Variants in BRINP3 observed in about 807,000 individuals in gnomAD.
The protein encoded by BRINP3 is BMP/retinoic acid inducible neural specific 3.
A neutral mutation model predicts 71.0 loss-of-function variants in BRINP3; 19 were observed. That is an observed-to-expected ratio of 0.27 (90% CI 0.19 to 0.39). BRINP3 has a LOEUF of 0.39. Ranked by LOEUF, BRINP3 falls within the 10% of genes least tolerant of loss-of-function variation. The pLI is 1.00. For synonymous variants in BRINP3, 380 were observed against 337.7 expected (o/e 1.13, Z -1.37); for missense variants, 959 against 940.8 (o/e 1.02, Z -0.25).
chr1:190,201,317 T>C (rs1654985762), intron 6 of BRINP3, among the ~76,000 whole-genome samples: 2 of 152,248 alleles, frequency 1.3e-5, no homozygotes, highest in South Asian at 2.1e-4. Context: ...ATTTAAAGTA[T>C]CTGGCAGAAG....
chr1:190,283,731 A>C (rs1571626883), intron 2 of BRINP3, among the ~76,000 whole-genome samples: 1 of 150,916 alleles, frequency 6.6e-6, no homozygotes, highest in African/African-American at 2.4e-5. Context: ...CCTAAATTTG[A>C]TGATATATCT....
At chr1:190,373,663 A>G (rs1571889956) in intron 2 of BRINP3, among the ~76,000 whole-genome samples, 1 of 151,824 alleles carries the variant, frequency 6.6e-6, no homozygotes, top group East Asian at 2.0e-4. Context: ...CAGAGCAAAA[A>G]CACTTTGAGT....
At chr1:190,156,191 T>C (rs1656849286) in intron 7 of BRINP3, among the ~76,000 whole-genome samples, 1 of 152,230 alleles carries the variant, frequency 6.6e-6, no homozygotes, top group Non-Finnish European at 1.5e-5. Context: ...GGAAGAACTA[T>C]ACACTATACA....
chr1:190,284,172 A>G (rs1487913592), intron 2 of BRINP3, among the ~76,000 whole-genome samples: 1 of 151,990 alleles, frequency 6.6e-6, no homozygotes, highest in East Asian at 1.9e-4. Context: ...TAAATCCATG[A>G]TCTATTCTGA....
At chr1:190,317,469 T>C (rs921403524) in intron 2 of BRINP3, among the ~76,000 whole-genome samples, 1 of 152,122 alleles carries the variant, frequency 6.6e-6, no homozygotes, top group Non-Finnish European at 1.5e-5. Flanking sequence ...ATCCCATATG[T>C]CCCTTCTTCC....
chr1:190,252,532 T>C (rs1660242587), intron 4 of BRINP3, among the ~76,000 whole-genome samples: 1 of 152,196 alleles, frequency 6.6e-6, no homozygotes, highest in East Asian at 1.9e-4. Context: ...TCAGCATACA[T>C]GCTAAAGTTG....
intron 2 of BRINP3, among the ~76,000 whole-genome samples, chr1:190,449,534 A>C (rs1192225407): frequency 6.6e-6 from 1 of 152,002 alleles, no homozygotes; most frequent in Non-Finnish European, 1.5e-5. Context: ...ATGTAATGCA[A>C]GTCCAAAGCT....
At chr1:190,445,240 T>C (rs1470967500) in intron 2 of BRINP3, among the ~76,000 whole-genome samples, 1 of 152,136 alleles carries the variant, frequency 6.6e-6, no homozygotes, top group East Asian at 1.9e-4. Flanking sequence ...TTAAAATCTA[T>C]TATAAACCAT....
chr1:190,279,295 C>T (rs1488773518), intron 3 of BRINP3, among the ~76,000 whole-genome samples: 1 of 151,752 alleles, frequency 6.6e-6, no homozygotes, highest in African/African-American at 2.4e-5. Context: ...TGGCTATCTA[C>T]ACTAACATAA....
At chr1:190,165,224 A>G (rs1651385800) in intron 6 of BRINP3, among the ~76,000 whole-genome samples, 1 of 152,120 alleles carries the variant, frequency 6.6e-6, no homozygotes, top group South Asian at 2.1e-4. Flanking sequence ...TTCTGATTTT[A>G]TATTACCAAT....
At chr1:190,398,900 G>A (rs1671750731) in intron 2 of BRINP3, among the ~76,000 whole-genome samples, 1 of 151,902 alleles carries the variant, frequency 6.6e-6, no homozygotes, top group South Asian at 2.1e-4. Flanking sequence ...ATTTTAAGAA[G>A]CTTTTTTGAT....
intron 2 of BRINP3, among the ~76,000 whole-genome samples, chr1:190,388,834 A>G (rs996506566): frequency 2.6e-5 from 4 of 151,838 alleles, no homozygotes; most frequent in African/African-American, 9.7e-5. Flanking sequence ...GTGATTATAA[A>G]TAAGTGAATA....
intron 7 of BRINP3, among the ~76,000 whole-genome samples, chr1:190,155,073 TTAA>T (rs1320714359): frequency 1.3e-5 from 2 of 152,088 alleles, no homozygotes; most frequent in Non-Finnish European, 2.9e-5. Context: ...AATGATGATA[TTAA>T]TAATAAGTTC....
intron 6 of BRINP3, among the ~76,000 whole-genome samples, chr1:190,189,603 A>C (rs1653852622): frequency 6.6e-6 from 1 of 151,858 alleles, no homozygotes; most frequent in Admixed American, 6.6e-5. Context: ...TTTATGTTTA[A>C]CTTTGTTTTT....
intron 4 of BRINP3, among the ~76,000 whole-genome samples, chr1:190,262,144 C>T (rs1441577661): frequency 6.6e-6 from 1 of 152,182 alleles, no homozygotes; most frequent in Non-Finnish European, 1.5e-5. Context: ...TGTCGACTTC[C>T]TGCAGTGCAC....
At chr1:190,306,898 A>C (rs1050978108) in intron 2 of BRINP3, among the ~76,000 whole-genome samples, 1 of 152,048 alleles carries the variant, frequency 6.6e-6, no homozygotes, top group Non-Finnish European at 1.5e-5. Context: ...ACAATATAGT[A>C]CCTCAATATT....
intron 6 of BRINP3, among the ~76,000 whole-genome samples, chr1:190,201,036 C>T (rs973136556): frequency 1.3e-5 from 2 of 151,998 alleles, no homozygotes; most frequent in East Asian, 1.9e-4. Context: ...AACTTTGGAA[C>T]TGGGTAACAG....
At chr1:190,431,549 G>A (rs916228151) in intron 2 of BRINP3, among the ~76,000 whole-genome samples, 7 of 151,970 alleles carry the variant, frequency 4.6e-5, no homozygotes, top group African/African-American at 1.7e-4. Flanking sequence ...TAGAGATGGG[G>A]TTTTACTATG....
intron 2 of BRINP3, among the ~76,000 whole-genome samples, chr1:190,333,945 C>T (rs1408628946): frequency 6.6e-6 from 1 of 151,814 alleles, no homozygotes; most frequent in East Asian, 1.9e-4. Flanking sequence ...TTAATGACTC[C>T]AATAAGTTTT....
Sources: allele counts gnomAD v4.1 joint callset (sites outside exome capture counted in the v4.1 genomes callset), GRCh38; gene constraint gnomAD v4.1.1; transcripts MANE v1.5; gene names NCBI Gene and HGNC (gene_info 2026-07-23, HGNC 2026-07-21).